Variants in CRB1 observed in about 807,000 individuals in gnomAD.
CRB1 encodes protein crumbs homolog 1.
CRB1 carries 83 observed loss-of-function variants against 120.0 expected under a neutral mutation model. The observed-to-expected ratio is 0.69, with a 90% CI of 0.58 to 0.83. The LOEUF (loss-of-function observed/expected upper bound fraction) is 0.83. Among genes scored for constraint, CRB1 ranks in the 40% least tolerant of loss-of-function variants. The probability of loss-of-function intolerance (pLI) is 0.00; values close to 1 mark genes in which losing one functional copy is unlikely to be tolerated. For missense variants in CRB1, 1,699 were observed against 1,687.6 expected, an observed-to-expected ratio of 1.01 and a Z score of -0.12; for synonymous variants, 625 against 612.5, an observed-to-expected ratio of 1.02 and a Z score of -0.30.
intron 11 of CRB1, among the ~76,000 whole-genome samples, chr1:197,458,995 A>G (rs1666407693): frequency 6.6e-6 from 1 of 152,122 alleles, no homozygotes; most frequent in South Asian, 2.1e-4. Context: ...AAGATTATTT[A>G]TAGAACAGAA....
At chr1:197,208,868 G>A in the CRB1 span, among the ~76,000 whole-genome samples, 2 of 152,108 alleles carry the variant, frequency 1.3e-5, no homozygotes, top group African/African-American at 4.8e-5. Context: ...GGTTAGGTGC[G>A]TCTGAGCTCA....
At chr1:197,307,875 T>G (rs558734615) in intron 1 of CRB1, among the ~76,000 whole-genome samples, 21 of 152,302 alleles carry the variant, frequency 1.4e-4, no homozygotes, top group African/African-American at 5.1e-4. Context: ...TACGTGACCT[T>G]GAACAAGTTA....
At chr1:197,250,453 G>T in the CRB1 span, among the ~76,000 whole-genome samples, 2 of 151,686 alleles carry the variant, frequency 1.3e-5, no homozygotes, top group African/African-American at 2.4e-5. Flanking sequence ...CAAACTTTAC[G>T]ATTAGATTCT....
chr1:197,254,609 T>A, the CRB1 span, among the ~76,000 whole-genome samples: 4 of 152,232 alleles, frequency 2.6e-5, no homozygotes, highest in East Asian at 7.7e-4. Flanking sequence ...AATTTCTGAT[T>A]AGGAACATAA....
chr1:197,295,991 AAAGT>A, intron 1 of CRB1, among the ~76,000 whole-genome samples: 1 of 152,120 alleles, frequency 6.6e-6, no homozygotes, highest in South Asian at 2.1e-4. Flanking sequence ...AATTTAAGAC[AAAGT>A]AAGGCATAAT....
chr1:197,347,341 T>C lies in CRB1; in HGVS notation c.850T>C (p.Tyr284His). The change falls in exon 4 of 12, where the codon TAT becomes CAT. Residue 284 changes from tyrosine (Y) to histidine (H), a missense_variant and splice_region_variant. Coordinates refer to ENST00000367400, the MANE Select transcript of CRB1 (RefSeq NM_201253.3). ...ATGAAAATTTCATTTACTTTCCAGA[T>C]ATAGCTGTAACTGCACGGGTAGTGG... is the stretch of plus-strand genomic sequence containing the variant. The part of the protein sequence containing the change: ...GGLCVDGENR[Y>H]SCNCTGSGFT... 6.2e-7 allele frequency: 1 copy of C among 1,613,680 alleles called. No individual in the cohort carries two copies. Among genetic ancestry groups the C allele is most frequent in the East Asian group, 2.2e-5 (1 of 44,862 alleles).
At chr1:197,314,878 GC>G (rs1657753535) in intron 1 of CRB1, among the ~76,000 whole-genome samples, 1 of 152,058 alleles carries the variant, frequency 6.6e-6, no homozygotes. Flanking sequence ...TATCTGCTAG[GC>G]CCCTCAGAGA....
At chr1:197,250,126 C>G in the CRB1 span, among the ~76,000 whole-genome samples, 1 of 151,552 alleles carries the variant, frequency 6.6e-6, no homozygotes, top group Admixed American at 6.6e-5. Context: ...AAAGTTTTTC[C>G]CACTCCAAAT....
At chr1:197,445,009 G>C (rs1379458641) in intron 11 of CRB1, among the ~76,000 whole-genome samples, 1 of 151,918 alleles carries the variant, frequency 6.6e-6, no homozygotes, top group African/African-American at 2.4e-5. Context: ...TAAACACTGT[G>C]GTATCCAAGT....
the CRB1 span, among the ~76,000 whole-genome samples, chr1:197,252,760 C>T: frequency 6.6e-6 from 1 of 150,780 alleles, no homozygotes; most frequent in Admixed American, 6.6e-5. Flanking sequence ...AAAGCCAGTG[C>T]AGTAATTCAG....
chr1:197,301,024 GAA>G (rs200109663), intron 1 of CRB1, among the ~76,000 whole-genome samples: 2 of 147,324 alleles, frequency 1.4e-5, no homozygotes, highest in South Asian at 2.2e-4. Flanking sequence ...TAATGCTCAG[GAA>G]AAAAAAAAAA....
chr1:197,442,110 C>A, intron 10 of CRB1, 56 bp from the exon 11 acceptor site: 1 of 1,612,732 alleles, frequency 6.2e-7, no homozygotes, highest in South Asian at 1.1e-5. Flanking sequence ...CTTCCCATTT[C>A]ACAACCAATG....
the CRB1 span, among the ~76,000 whole-genome samples, chr1:197,224,069 A>G: frequency 6.6e-6 from 1 of 152,100 alleles, no homozygotes; most frequent in African/African-American, 2.4e-5. Context: ...GAATGGACTC[A>G]TGTCTATAAA....
At chr1:197,435,689 C>T (rs969764542) in intron 9 of CRB1, 77 bp downstream of exon 9, 6 of 1,306,908 alleles carry the variant, frequency 4.6e-6, no homozygotes, top group Non-Finnish European at 6.5e-6. Flanking sequence ...TTGGAAAGCT[C>T]TCTCCTCAAG....
intron 11 of CRB1, among the ~76,000 whole-genome samples, chr1:197,476,362 T>TTG (rs35012815): frequency 0.015 from 2,162 of 140,456 alleles, 26 homozygotes; most frequent in African/African-American, 0.028. Context: ...TTATGATTAT[T>TTG]TGTGTGTGTG....
At chr1:197,237,172 A>G in the CRB1 span, among the ~76,000 whole-genome samples, 2 of 152,098 alleles carry the variant, frequency 1.3e-5, no homozygotes, top group Non-Finnish European at 2.9e-5. Flanking sequence ...ATTTCAGAAG[A>G]TTATTAATTA....
the CRB1 span, among the ~76,000 whole-genome samples, chr1:197,231,844 A>G: frequency 1.3e-5 from 2 of 152,176 alleles, no homozygotes; most frequent in African/African-American, 4.8e-5. Flanking sequence ...TGATGATAGC[A>G]GACGCTATTT....
chr1:197,415,728 C>T (rs529437285), intron 5 of CRB1, among the ~76,000 whole-genome samples: 48 of 147,900 alleles, frequency 3.2e-4, no homozygotes, highest in African/African-American at 9.2e-4. Context: ...CTGCGAGCTC[C>T]GCCTCCCGGG....
At chr1:197,347,050 T>C (rs565041270) in intron 3 of CRB1, among the ~76,000 whole-genome samples, 2 of 152,312 alleles carry the variant, frequency 1.3e-5, no homozygotes, top group South Asian at 2.1e-4. Flanking sequence ...GCATACTTAA[T>C]TGTCACAATA....
Sources: gnomAD v4.1 joint callset for allele counts (sites outside exome capture counted in the v4.1 genomes callset) on GRCh38, gnomAD v4.1.1 for gene constraint, MANE v1.5 for transcripts, NCBI Gene and HGNC (gene_info 2026-07-23, HGNC 2026-07-21) for gene names.